The following MGAT4A variants were observed in gnomAD, a reference collection of about 807,000 sequenced individuals.
MGAT4A encodes alpha-1,3-mannosyl-glycoprotein 4-beta-N-acetylglucosaminyltransferase A, also known as N-acetylglucosaminyltransferase IVa.
A neutral mutation model predicts 74.1 loss-of-function variants in MGAT4A; 33 were observed. That is an observed-to-expected ratio of 0.45 (90% CI 0.34 to 0.60). MGAT4A has a LOEUF of 0.60. Among genes scored for constraint, MGAT4A ranks in the 20% least tolerant of loss-of-function variants. The pLI, the probability that MGAT4A is intolerant of heterozygous loss-of-function variation, is 0.02. For missense variants in MGAT4A, 479 were observed against 628.3 expected, an observed-to-expected ratio of 0.76 and a Z score of 2.54; for synonymous variants, 198 against 210.4, an observed-to-expected ratio of 0.94 and a Z score of 0.51.
intron 6 of MGAT4A, 62 bp from the exon 7 acceptor site, chr2:98,656,527 C>A: frequency 9.1e-7 from 1 of 1,097,700 alleles, no homozygotes; most frequent in South Asian, 1.3e-5. Flanking sequence ...TCTTAAAGCT[C>A]AATACACTGT....
chr2:98,690,778 A>G (rs1282255592), intron 2 of MGAT4A, among the ~76,000 whole-genome samples: 1 of 152,210 alleles, frequency 6.6e-6, no homozygotes, highest in Non-Finnish European at 1.5e-5. Flanking sequence ...TAAAACTGAA[A>G]CCCTAAGCAA....
chr2:98,697,404 G>GGGGTTGGTGTGACTATCC (rs1219089419), intron 2 of MGAT4A, among the ~76,000 whole-genome samples: 1 of 152,204 alleles, frequency 6.6e-6, no homozygotes, highest in Non-Finnish European at 1.5e-5. Context: ...GGGGGATGCA[G>GGGGTTGGTGTGACTATCC]GGGTTGGTGT....
rs376456744 is a variant in MGAT4A, at chr2:98,723,389, C to T, written c.94+2850G>A. On this transcript the variant is annotated intron_variant, in intron 2 of 15. Coordinates refer to ENST00000393487, the MANE Select transcript of MGAT4A (RefSeq NM_012214.3). ...TGAGAGAGGGGTCACCTGGGTACAACGTAGCAGTTACGTCAGACTAGGACA... is the reference window on the plus strand; with the variant it reads ...TGAGAGAGGGGTCACCTGGGTACAATGTAGCAGTTACGTCAGACTAGGACA... 3.9e-5 allele frequency among the ~76,000 whole-genome samples: 6 copies of T among 152,270 alleles called. No individual in the cohort carries two copies. The East Asian group carries it at 9.7e-4, about 25-fold the overall frequency.
intron 4 of MGAT4A, among the ~76,000 whole-genome samples, chr2:98,672,471 G>A (rs72825752): frequency 6.6e-6 from 1 of 152,292 alleles, no homozygotes; most frequent in Non-Finnish European, 1.5e-5. Flanking sequence ...AAGCAGTTGT[G>A]CCGTTTTGGT....
chr2:98,659,845 C>T (rs1212853904), intron 5 of MGAT4A, among the ~76,000 whole-genome samples: 1 of 151,928 alleles, frequency 6.6e-6, no homozygotes, highest in Non-Finnish European at 1.5e-5. Flanking sequence ...ACTAATACAC[C>T]TACCTATCAA....
rs962184757 is a variant in MGAT4A at position 98,620,855 on chromosome 2, C to G, written c.*4711G>C. 6.6e-6 allele frequency: 1 copy of G among 152,306 alleles called. No homozygotes were observed. Among genetic ancestry groups the G allele is most frequent in the African/African-American group, 2.4e-5 (1 of 41,436 alleles). 9.4% of individuals were successfully genotyped at this position (152,306 alleles called of 1,614,324 possible). A position where few individuals can be genotyped will look rare whatever the true frequency, so the allele number is the denominator to read the frequency against. On this transcript the variant is annotated 3_prime_UTR_variant, in exon 16 of 16. Coordinates refer to ENST00000393487, the MANE Select transcript of MGAT4A (RefSeq NM_012214.3). ...AGATCCCTTACACACTGTTTCAGTC[C>G]TATTCCTATAGTCTCATTCTAGCAG...
chr2:98,655,647 TAC>T, intron 7 of MGAT4A, 127 bp from the exon 8 acceptor site: 2 of 578,820 alleles, frequency 3.5e-6, no homozygotes, highest in Non-Finnish European at 3.0e-6. Flanking sequence ...CACACACACA[TAC>T]ACACACACTC....
chr2:98,622,172 C>A lies in MGAT4A; in HGVS notation c.*3394G>T, dbSNP rs1048018887. 1 of 985,480 alleles carries A rather than the reference C, an allele frequency of 1.0e-6. No homozygotes were observed. Among genetic ancestry groups the A allele is most frequent in the Non-Finnish European group, 1.2e-6 (1 of 829,958 alleles). 61.0% of individuals were successfully genotyped at this position (985,480 alleles called of 1,614,324 possible). ...TATTCATCATCATTTGCATTATGTT[C>A]TATTCCCATGTCTGCTTTTAACCTC... On this transcript the variant is annotated 3_prime_UTR_variant, in exon 16 of 16. Coordinates refer to ENST00000393487, the MANE Select transcript of MGAT4A (RefSeq NM_012214.3).
At chr2:98,631,620 A>C (rs1486530575) in intron 14 of MGAT4A, among the ~76,000 whole-genome samples, 2 of 152,162 alleles carry the variant, frequency 1.3e-5, no homozygotes, top group African/African-American at 4.8e-5. Flanking sequence ...AATGACGCAG[A>C]ATTTGGCCAG....
At chr2:98,705,391 T>C (rs991161461) in intron 2 of MGAT4A, among the ~76,000 whole-genome samples, 1 of 152,148 alleles carries the variant, frequency 6.6e-6, no homozygotes, top group African/African-American at 2.4e-5. Context: ...CACCTGATCA[T>C]GGCCAGTCAT....
At chr2:98,679,439 C>G (rs61109040) in intron 2 of MGAT4A, among the ~76,000 whole-genome samples, 1 of 143,702 alleles carries the variant, frequency 7.0e-6, no homozygotes, top group Non-Finnish European at 1.5e-5. Context: ...AGAGACCAGC[C>G]TAGGCAACAC....
At chr2:98,725,766 TA>T (rs1702752830) in intron 2 of MGAT4A, among the ~76,000 whole-genome samples, 1 of 152,146 alleles carries the variant, frequency 6.6e-6, no homozygotes, top group African/African-American at 2.4e-5. Flanking sequence ...GCCTAAGGAG[TA>T]ATCTGTCAAT....
In MGAT4A at chr2:98,646,897, T is replaced by C. The variant is rs1701493804; in HGVS notation, c.775-1355A>G. Among the ~76,000 whole-genome samples, 3 of 152,342 alleles carry C rather than the reference T, an allele frequency of 2.0e-5. No individual in the cohort carries two copies. In the South Asian group the frequency reaches 6.2e-4, roughly 32 times the overall value. ...CCCACCATCCAAATGGTGAACATAG[T>C]ACCCAATAGGTAACATAATGATACT... is the stretch of plus-strand genomic sequence containing the variant. On this transcript the variant is annotated intron_variant, in intron 8 of 15. Coordinates refer to ENST00000393487, the MANE Select transcript of MGAT4A (RefSeq NM_012214.3).
Position 98,644,055 on chromosome 2 carries a change from T to C in MGAT4A, c.890-2A>G. The C allele has an allele frequency of 6.4e-7, 1 of 1,566,986 alleles. No homozygotes were observed. The highest frequency in any genetic ancestry group is 8.7e-7 in the Non-Finnish European group (1 of 1,150,704). ...GATCCGGCGCTTGAAACATTTTACC[T>C]GAAAAGATATTCCCAGTCAATAGCT... is the stretch of plus-strand genomic sequence containing the variant. On this transcript the variant is annotated splice_acceptor_variant, in intron 9 of 15. Transcript: ENST00000393487. LOFTEE classifies it high-confidence loss of function.
At position 98,718,066 on chromosome 2, in the gene MGAT4A, A is replaced by G. The variant is rs1184702366; in HGVS notation, c.94+8173T>C. ...ATGCTTCGTCTGGTGTTTCTGTTAT[A>G]GCTAACAGGATATGAATCTGATCTT... On this transcript the variant is annotated intron_variant, in intron 2 of 15. Transcript: ENST00000393487. Among the ~76,000 whole-genome samples the G allele has an allele frequency of 4.6e-5, 7 of 152,242 alleles. No homozygotes were observed. The East Asian group carries it at 9.6e-4, about 21-fold the overall frequency.
rs1701121000 is a variant in MGAT4A at position 98,624,840 on chromosome 2, C to T, written c.*726G>A. On this transcript the variant is annotated 3_prime_UTR_variant, in exon 16 of 16. Transcript: ENST00000393487. ...ATAGTAAAGTAACCCTCAGGAAGGA[C>T]ATTAGTCTTTAAAATCTTGGCTTTA... The T allele has an allele frequency of 1.0e-6, 1 of 985,338 alleles. No homozygotes were observed. The highest frequency in any genetic ancestry group is 1.2e-6 in the Non-Finnish European group (1 of 829,618). 61.0% of individuals were successfully genotyped at this position (985,338 alleles called of 1,614,324 possible).
Position 98,655,428 on chromosome 2 carries a change from G to A in MGAT4A, c.774+17C>T. 1 of 1,560,850 alleles carries A rather than the reference G, an allele frequency of 6.4e-7. No homozygotes were observed. The highest frequency in any genetic ancestry group is 8.7e-7 in the Non-Finnish European group (1 of 1,148,402). On this transcript the variant is annotated intron_variant, in intron 8 of 15. Coordinates refer to ENST00000393487, the MANE Select transcript of MGAT4A (RefSeq NM_012214.3). ...TTTCTTTACAAGCATGAAAAACAAA[G>A]GAAAAACTACACTTACCTGAATGTA...
At chr2:98,720,593 A>G (rs1432639605) in intron 2 of MGAT4A, among the ~76,000 whole-genome samples, 1 of 150,614 alleles carries the variant, frequency 6.6e-6, no homozygotes, top group Non-Finnish European at 1.5e-5. Flanking sequence ...TTCCTATAAT[A>G]AATCTTGTGT....
chr2:98,705,795 T>C (rs1312958367), intron 2 of MGAT4A, among the ~76,000 whole-genome samples: 1 of 150,034 alleles, frequency 6.7e-6, no homozygotes, highest in Non-Finnish European at 1.5e-5. Flanking sequence ...TACAAAAAAT[T>C]AGCCGGGCGC....
Sources: allele counts gnomAD v4.1 joint callset (sites outside exome capture counted in the v4.1 genomes callset), GRCh38; gene constraint gnomAD v4.1.1; transcripts MANE v1.5; gene names NCBI Gene and HGNC (gene_info 2026-07-23, HGNC 2026-07-21).